DLGAP2: variants seen among roughly 807,000 people sequenced by gnomAD.
The protein encoded by DLGAP2 is disks large-associated protein 2.
A neutral mutation model predicts 100.3 loss-of-function variants in DLGAP2; 26 were observed. The ratio of observed to expected loss-of-function variants is 0.26; its 90% confidence interval spans 0.19 to 0.36. DLGAP2 has a LOEUF of 0.36. Ranked by LOEUF, DLGAP2 falls within the 10% of genes least tolerant of loss-of-function variation. The probability of loss-of-function intolerance (pLI) is 1.00; values close to 1 mark genes in which losing one functional copy is unlikely to be tolerated. For missense variants in DLGAP2, 1,858 were observed against 1,453.2 expected (o/e 1.28, Z -4.53); for synonymous variants, 886 against 630.1 (o/e 1.41, Z -6.08).
chr8:1,056,685 C>G (rs1287592217), intron 2 of DLGAP2, among the ~76,000 whole-genome samples: 1 of 152,238 alleles, frequency 6.6e-6, no homozygotes, highest in Non-Finnish European at 1.5e-5. Context: ...CTGTCAGCAT[C>G]AGCTCTGGAG....
intron 2 of DLGAP2, among the ~76,000 whole-genome samples, chr8:1,141,149 G>C (rs2129050477): frequency 6.6e-6 from 1 of 152,288 alleles, no homozygotes. Context: ...CTTTCTCCTG[G>C]GGAGGGACTG....
chr8:1,455,128 G>A (rs1563159695), intron 3 of DLGAP2, among the ~76,000 whole-genome samples: 1 of 152,232 alleles, frequency 6.6e-6, no homozygotes, highest in Non-Finnish European at 1.5e-5. Flanking sequence ...ATGAGCTCAT[G>A]GCAACCCTGT....
At chr8:1,520,619 C>G (rs941451867) in intron 4 of DLGAP2, among the ~76,000 whole-genome samples, 2 of 152,176 alleles carry the variant, frequency 1.3e-5, no homozygotes, top group African/African-American at 4.8e-5. Flanking sequence ...CTGGCAAACA[C>G]TGACTCTTTC....
In DLGAP2 at chr8:1,437,741, G is replaced by A. The variant is rs140609126; in HGVS notation, c.107-63625G>A. ...CCAGCACTTTGGGAGGCGAAGGCAG[G>A]TGGATCATTTGAGGTCAGGAGTTCG... On this transcript the variant is annotated intron_variant, in intron 3 of 14. Coordinates refer to ENST00000637795, the MANE Select transcript of DLGAP2 (RefSeq NM_001346810.2). Among the ~76,000 whole-genome samples the A allele has an allele frequency of 4.7e-5, 7 of 149,368 alleles. No individual in the cohort carries two copies. In the South Asian group the frequency reaches 1.5e-3, roughly 32 times the overall value.
At chr8:1,102,273 A>G (rs1012419975) in intron 2 of DLGAP2, among the ~76,000 whole-genome samples, 11 of 147,698 alleles carry the variant, frequency 7.4e-5, no homozygotes, top group African/African-American at 1.2e-4. Context: ...ACATACATAT[A>G]TAATATATAA....
intron 4 of DLGAP2, among the ~76,000 whole-genome samples, chr8:1,537,999 C>A (rs1316427371): frequency 6.6e-6 from 1 of 152,130 alleles, no homozygotes; most frequent in African/African-American, 2.4e-5. Flanking sequence ...GAACAGAGAG[C>A]TGCTGTCCAT....
At chr8:808,565 T>C (rs11989888) in intron 1 of DLGAP2, among the ~76,000 whole-genome samples, 1 of 152,048 alleles carries the variant, frequency 6.6e-6, no homozygotes, top group African/African-American at 2.4e-5. Flanking sequence ...GGTTGGTGCC[T>C]CTAGTGAGGC....
chr8:1,526,135 C>T (rs1800782338), intron 4 of DLGAP2, among the ~76,000 whole-genome samples: 1 of 151,146 alleles, frequency 6.6e-6, no homozygotes, highest in African/African-American at 2.4e-5. Flanking sequence ...GCTGTGAGCG[C>T]TTCTCAGTTC....
At chr8:958,219 T>C (rs1799639400) in intron 2 of DLGAP2, among the ~76,000 whole-genome samples, 1 of 152,192 alleles carries the variant, frequency 6.6e-6, no homozygotes, top group Admixed American at 6.5e-5. Context: ...AGAACTGCAT[T>C]CCTTTATATG....
At chr8:886,261 C>T (rs972055662) in intron 1 of DLGAP2, among the ~76,000 whole-genome samples, 1 of 151,378 alleles carries the variant, frequency 6.6e-6, no homozygotes, top group Non-Finnish European at 1.5e-5. Context: ...TTTGATTCTT[C>T]TCTCTCTTTT....
At chr8:1,685,902 T>C (rs1305611868) in intron 12 of DLGAP2, among the ~76,000 whole-genome samples, 1 of 152,144 alleles carries the variant, frequency 6.6e-6, no homozygotes, top group African/African-American at 2.4e-5. Flanking sequence ...CTAGAATGGC[T>C]ATTATCACAA....
intron 2 of DLGAP2, among the ~76,000 whole-genome samples, chr8:988,969 C>G (rs1187279205): frequency 6.6e-6 from 1 of 152,198 alleles, no homozygotes; most frequent in Non-Finnish European, 1.5e-5. Context: ...CTTCTCAGGT[C>G]ACCTCCTCTC....
intron 3 of DLGAP2, among the ~76,000 whole-genome samples, chr8:1,468,901 T>C (rs1798704702): frequency 6.6e-6 from 1 of 152,162 alleles, no homozygotes; most frequent in Admixed American, 6.5e-5. Flanking sequence ...TCCATCCTGC[T>C]GTGCTCACTC....
At chr8:1,199,634 A>G (rs532263497) in intron 2 of DLGAP2, among the ~76,000 whole-genome samples, 2 of 152,300 alleles carry the variant, frequency 1.3e-5, no homozygotes, top group African/African-American at 2.4e-5. Flanking sequence ...GATGGGCGCT[A>G]GAAAGTGAAT....
rs547973972 is a variant in DLGAP2 at position 1,478,015 on chromosome 8, A to G, written c.107-23351A>G. On this transcript the variant is annotated intron_variant, in intron 3 of 14. Coordinates refer to ENST00000637795, the MANE Select transcript of DLGAP2 (RefSeq NM_001346810.2). ...TGTCACTCTCTGTTCGTAGGGTTTA[A>G]TTTACTTTCATTCCCCCTACGTAAG... is the stretch of plus-strand genomic sequence containing the variant. Among the ~76,000 whole-genome samples, 219 of 152,238 alleles carry G rather than the reference A, an allele frequency of 1.4e-3. 1 individual carries two copies. The highest frequency in any genetic ancestry group is 2.7e-3 in the South Asian group (13 of 4,824).
At chr8:1,517,654 G>A (rs1800440423) in intron 4 of DLGAP2, among the ~76,000 whole-genome samples, 1 of 152,190 alleles carries the variant, frequency 6.6e-6, no homozygotes, top group South Asian at 2.1e-4. Context: ...CCACACAGCA[G>A]AAGGGCCTCC....
At chr8:1,000,324 G>A (rs1038725660) in intron 2 of DLGAP2, among the ~76,000 whole-genome samples, 143 of 125,902 alleles carry the variant, frequency 1.1e-3, no homozygotes, top group Non-Finnish European at 1.5e-3. Context: ...TCTCTAGAGC[G>A]GACAGATCCG....
chr8:1,038,773 T>G (rs1001479409), intron 2 of DLGAP2, among the ~76,000 whole-genome samples: 1 of 152,076 alleles, frequency 6.6e-6, no homozygotes, highest in African/African-American at 2.4e-5. Flanking sequence ...TGGTTGGGAG[T>G]TATGTATGTA....
chr8:749,669 C>CT (rs954839388), intron 1 of DLGAP2, among the ~76,000 whole-genome samples: 1 of 152,024 alleles, frequency 6.6e-6, no homozygotes, highest in South Asian at 2.1e-4. Context: ...AAATGTAGAT[C>CT]TTTTTTTTCT....
Sources: allele counts gnomAD v4.1 joint callset (sites outside exome capture counted in the v4.1 genomes callset), GRCh38; gene constraint gnomAD v4.1.1; transcripts MANE v1.5; gene names NCBI Gene and HGNC (gene_info 2026-07-23, HGNC 2026-07-21).